Variants in SYNE1 observed in about 807,000 individuals in gnomAD.
The protein encoded by SYNE1 is nesprin-1.
SYNE1 carries 616 observed loss-of-function variants against 1,111.0 expected under a neutral mutation model. That is an observed-to-expected ratio of 0.55 (90% CI 0.52 to 0.59). The LOEUF (loss-of-function observed/expected upper bound fraction) is 0.59. Among genes scored for constraint, SYNE1 ranks in the 20% least tolerant of loss-of-function variants. The probability of loss-of-function intolerance (pLI) is 0.00; values close to 1 mark genes in which losing one functional copy is unlikely to be tolerated. For missense variants in SYNE1, 10,006 were observed against 10,417.0 expected (o/e 0.96, Z 1.72); for synonymous variants, 3,855 against 3,825.8 (o/e 1.01, Z -0.28).
At chr6:152,184,358 AC>A (rs1037262772) in intron 128 of SYNE1, among the ~76,000 whole-genome samples, 1 of 150,548 alleles carries the variant, frequency 6.6e-6, no homozygotes, top group Non-Finnish European at 1.5e-5. Context: ...AACTGCTTGA[AC>A]CCAGGAGGCA....
At chr6:152,207,421 G>A (rs2076721189) in intron 125 of SYNE1, among the ~76,000 whole-genome samples, 2 of 152,202 alleles carry the variant, frequency 1.3e-5, no homozygotes, top group Admixed American at 6.5e-5. Flanking sequence ...GTCTGCGAAT[G>A]AGGGCTCTCA....
intron 3 of SYNE1, among the ~76,000 whole-genome samples, chr6:152,606,188 T>C (rs2099614367): frequency 6.6e-6 from 1 of 152,074 alleles, no homozygotes; most frequent in African/African-American, 2.4e-5. Context: ...ATTTCTGTCA[T>C]AATGTGGCCT....
At position 152,202,024 on chromosome 6, in the gene SYNE1, CTCT is replaced by C. The variant is rs1438886419; in HGVS notation, c.23020-78_23020-76del. The C allele has an allele frequency of 2.6e-6, 4 of 1,545,790 alleles. No homozygotes were observed. The African/African-American group carries it at 5.4e-5, about 21-fold the overall frequency. ...CTGGGGGGGGAAAAGAAAAGAAACA[CTCT>C]TCTTCATTCCCAGAGAAAGAATGAA... On this transcript the variant is annotated intron_variant, in intron 126 of 145. Coordinates refer to ENST00000367255, the MANE Select transcript of SYNE1 (RefSeq NM_182961.4).
chr6:152,259,318 A>G (rs2091554058), intron 101 of SYNE1, among the ~76,000 whole-genome samples: 1 of 151,892 alleles, frequency 6.6e-6, no homozygotes, highest in Non-Finnish European at 1.5e-5. Context: ...TATTCGGGTT[A>G]TAGGTTCTCA....
intron 4 of SYNE1, among the ~76,000 whole-genome samples, chr6:152,528,067 T>C (rs1221100213): frequency 2.0e-5 from 3 of 152,186 alleles, no homozygotes; most frequent in Non-Finnish European, 4.4e-5. Flanking sequence ...CTCTCCCTGA[T>C]CTGTTCCTAC....
At chr6:152,239,180 G>T (rs1039467288) in intron 108 of SYNE1, among the ~76,000 whole-genome samples, 1 of 152,144 alleles carries the variant, frequency 6.6e-6, no homozygotes, top group Non-Finnish European at 1.5e-5. Context: ...GCCTCCCAAA[G>T]TGCTGGGATG....
At position 152,442,209 on chromosome 6, in the gene SYNE1, C is replaced by T. The variant is rs2098537843; in HGVS notation, c.3874G>A (p.Val1292Met). 3.1e-6 allele frequency: 5 copies of T among 1,613,456 alleles called. No homozygotes were observed. The highest frequency in any genetic ancestry group is 4.2e-6 in the Non-Finnish European group (5 of 1,180,052). ...TGCGCCTGCGCGATCTGCTGCTGCA[C>T]ATCTCTCTTCTTTGCTGAGATCCGC... ...TKRISAKKRD[V>M]QQQIAQAQQG... is the part of the protein sequence containing the mutation. Residue 1292 changes from valine to methionine, a missense_variant, in exon 31 of 146, where the codon GTG becomes ATG. Physicochemically the swap from Val to Met is conservative, Grantham distance 21. Around this residue, in one of 7 missense-constraint regions of SYNE1, gnomAD observed 1,971 missense variants for 2,084.1 expected, o/e 0.95. Coordinates refer to ENST00000367255, the MANE Select transcript of SYNE1 (RefSeq NM_182961.4).
At chr6:152,418,480 T>A (rs1248216505) in intron 40 of SYNE1, among the ~76,000 whole-genome samples, 11 of 152,350 alleles carry the variant, frequency 7.2e-5, no homozygotes, top group African/African-American at 2.6e-4. Context: ...AATATTCTAT[T>A]GTTAAATGTT....
At chr6:152,142,934 C>A (rs538753525) in intron 138 of SYNE1, among the ~76,000 whole-genome samples, 1 of 152,106 alleles carries the variant, frequency 6.6e-6, no homozygotes, top group Non-Finnish European at 1.5e-5. Context: ...TGAAAGAAGA[C>A]GTGAGGCAGA....
intron 49 of SYNE1, among the ~76,000 whole-genome samples, chr6:152,397,942 A>T (rs1405588367): frequency 1.3e-5 from 2 of 151,800 alleles, no homozygotes; most frequent in Non-Finnish European, 1.5e-5. Flanking sequence ...TGGAGGTTGC[A>T]GTAAGCTGAA....
intron 2 of SYNE1, among the ~76,000 whole-genome samples, chr6:152,634,138 T>G (rs1472169001): frequency 6.6e-6 from 1 of 152,238 alleles, no homozygotes; most frequent in Non-Finnish European, 1.5e-5. Flanking sequence ...GAAATACTAC[T>G]GAGCCACAAG....
chr6:152,256,510 A>C, intron 102 of SYNE1, 124 bp downstream of exon 102: 1 of 1,175,260 alleles, frequency 8.5e-7, no homozygotes, highest in Non-Finnish European at 1.2e-6. Context: ...TTCAGCGCTT[A>C]TCACTAGTGT....
chr6:152,200,976 T>C (rs1029731073), intron 127 of SYNE1, among the ~76,000 whole-genome samples: 3 of 152,212 alleles, frequency 2.0e-5, no homozygotes, highest in African/African-American at 7.2e-5. Context: ...AGGATTTCTT[T>C]GCCAAAGTGA....
intron 130 of SYNE1, among the ~76,000 whole-genome samples, chr6:152,176,014 ATTT>A (rs3215782): frequency 7.0e-5 from 10 of 142,594 alleles, no homozygotes; most frequent in South Asian, 2.2e-4. Context: ...AGATTTAGTA[ATTT>A]TTTTTTTTTT....
intron 87 of SYNE1, among the ~76,000 whole-genome samples, chr6:152,314,447 A>G (rs912567319): frequency 3.3e-5 from 5 of 152,140 alleles, no homozygotes; most frequent in African/African-American, 1.2e-4. Flanking sequence ...GCCTTTCTGC[A>G]CTTTCCTCTT....
Position 152,455,658 on chromosome 6 carries a change from G to A in SYNE1, c.2728-68C>T. 4 of 1,593,054 alleles carry A rather than the reference G, an allele frequency of 2.5e-6. No individual in the cohort carries two copies. The Admixed American group carries it at 5.0e-5, about 20-fold the overall frequency. ...TACTGAAAGGATCATTTTGTTAGAG[G>A]GTATTATTCATTTAAAAAGCACTTG... is the stretch of plus-strand genomic sequence containing the variant. On this transcript the variant is annotated intron_variant, in intron 23 of 145. Transcript: ENST00000367255.
intron 8 of SYNE1, 26 bp from the exon 9 acceptor site, chr6:152,505,423 A>G (rs2099052444): frequency 1.9e-6 from 3 of 1,611,784 alleles, no homozygotes; most frequent in African/African-American, 2.7e-5. Context: ...ACATAAAATG[A>G]TGTCACATTC....
At chr6:152,425,326 C>T (rs1412882325) in intron 39 of SYNE1, 55 bp downstream of exon 39, 16 of 1,558,068 alleles carry the variant, frequency 1.0e-5, no homozygotes, top group Non-Finnish European at 1.4e-5. Flanking sequence ...AATTTATATG[C>T]TCATCATTTA....
At chr6:152,465,068 C>T in intron 18 of SYNE1, 190 bp downstream of exon 18, 1 of 635,828 alleles carries the variant, frequency 1.6e-6, no homozygotes, top group Non-Finnish European at 2.8e-6. Context: ...TTACTCAACC[C>T]TCCATCAGCT....
Sources: allele counts gnomAD v4.1 joint callset (sites outside exome capture counted in the v4.1 genomes callset), GRCh38; gene constraint gnomAD v4.1.1; regional missense constraint gnomAD v4.1.1; transcripts MANE v1.5; gene names NCBI Gene and HGNC (gene_info 2026-07-23, HGNC 2026-07-21).